Variants in MACROD1 observed in about 807,000 individuals in gnomAD.
MACROD1 encodes the protein mono-ADP ribosylhydrolase 1.
A neutral mutation model predicts 41.4 loss-of-function variants in MACROD1; 31 were observed. The observed-to-expected ratio is 0.75, with a 90% confidence interval of 0.56 to 1.01. The LOEUF (loss-of-function observed/expected upper bound fraction) is 1.01. MACROD1 is among the 50% of genes least tolerant of loss of function. The pLI, the probability that MACROD1 is intolerant of heterozygous loss-of-function variation, is 0.00. For missense variants in MACROD1, 473 were observed against 460.0 expected, an observed-to-expected ratio of 1.03 and a Z score of -0.26; for synonymous variants, 252 against 203.4, an observed-to-expected ratio of 1.24 and a Z score of -2.03.
At chr11:64,008,311 C>A (rs945579244) in intron 4 of MACROD1, among the ~76,000 whole-genome samples, 1 of 148,000 alleles carries the variant, frequency 6.8e-6, no homozygotes, top group African/African-American at 2.5e-5. Flanking sequence ...GCTCGGCTGG[C>A]CCCCAGGGTC....
chr11:64,015,977 C>T (rs1214838741), intron 3 of MACROD1, among the ~76,000 whole-genome samples: 1 of 152,198 alleles, frequency 6.6e-6, no homozygotes, highest in African/African-American at 2.4e-5. Flanking sequence ...GAGAATAGCC[C>T]CACCTCACCA....
At chr11:64,136,404 G>A (rs1938817) in intron 3 of MACROD1, among the ~76,000 whole-genome samples, 9,135 of 152,274 alleles carry the variant, frequency 0.06, 369 homozygotes, top group Middle Eastern at 0.15. Flanking sequence ...ACTCATAGCC[G>A]CCTCTCAGGC....
chr11:64,119,894 G>T (rs186033726), intron 3 of MACROD1, among the ~76,000 whole-genome samples: 8 of 152,296 alleles, frequency 5.3e-5, no homozygotes, highest in Admixed American at 4.6e-4. Flanking sequence ...CGGAGCCTGG[G>T]GTTCCGACGT....
chr11:64,002,670 C>T (rs1942845969), intron 4 of MACROD1, among the ~76,000 whole-genome samples: 2 of 152,182 alleles, frequency 1.3e-5, no homozygotes, highest in South Asian at 4.1e-4. Context: ...GGGAACCCCC[C>T]CACCCTGCTC....
chr11:64,136,364 A>G (rs1674535960), intron 3 of MACROD1, among the ~76,000 whole-genome samples: 1 of 152,236 alleles, frequency 6.6e-6, no homozygotes, highest in African/African-American at 2.4e-5. Flanking sequence ...TATGGTCTCT[A>G]TAGCATAGCT....
At chr11:64,001,246 A>C (rs1002185021) in intron 4 of MACROD1, 1 of 605,836 alleles carries the variant, frequency 1.7e-6, no homozygotes, top group African/African-American at 1.9e-5. Context: ...CGGCTGTGAG[A>C]TCCTGCCCCT....
chr11:64,116,319 G>A, intron 3 of MACROD1: 1 of 1,609,402 alleles, frequency 6.2e-7, no homozygotes, highest in Non-Finnish European at 8.5e-7. Flanking sequence ...CACTGCCACT[G>A]TCACGGCCAC....
intron 3 of MACROD1, among the ~76,000 whole-genome samples, chr11:64,136,659 G>A (rs2134669726): frequency 6.6e-6 from 1 of 152,316 alleles, no homozygotes; most frequent in Admixed American, 6.5e-5. Flanking sequence ...AGGGTCAGAG[G>A]GACCCCCCGC....
chr11:64,159,117 C>T (rs1210556135), intron 1 of MACROD1, among the ~76,000 whole-genome samples: 36 of 151,714 alleles, frequency 2.4e-4, no homozygotes, highest in Admixed American at 2.4e-3. Flanking sequence ...GTCAGGAGTT[C>T]GAGACCAGCC....
At chr11:64,048,818 C>G (rs1367060480) in intron 3 of MACROD1, among the ~76,000 whole-genome samples, 2 of 152,204 alleles carry the variant, frequency 1.3e-5, no homozygotes, top group African/African-American at 2.4e-5. Context: ...GGGCTGCTAT[C>G]CCCACCAAGC....
intron 4 of MACROD1, among the ~76,000 whole-genome samples, chr11:64,007,809 G>A (rs1252724623): frequency 6.6e-6 from 1 of 152,200 alleles, no homozygotes; most frequent in Admixed American, 6.5e-5. Flanking sequence ...GGACAGGTGC[G>A]GGGACTGCCC....
intron 3 of MACROD1, among the ~76,000 whole-genome samples, chr11:64,045,962 C>T (rs1943577200): frequency 6.6e-6 from 1 of 152,190 alleles, no homozygotes; most frequent in African/African-American, 2.4e-5. Flanking sequence ...CATGACTGAG[C>T]ACTCACTGTG....
rs528266042 is a variant in MACROD1, at chr11:64,155,575, G to A, written c.299-3182C>T. Among the ~76,000 whole-genome samples the A allele has an allele frequency of 5.1e-4, 77 of 152,338 alleles. 1 individual carries two copies. Among genetic ancestry groups the A allele is most frequent in the South Asian group, 3.1e-3 (15 of 4,828 alleles). On this transcript the variant is annotated intron_variant, in intron 1 of 10. Coordinates refer to ENST00000255681, the MANE Select transcript of MACROD1 (RefSeq NM_014067.4). ...GTGTGCTGCAAAGTGCGGTCTACAC[G>A]CCAGACACACTCACTCCTTCCTGGC...
At chr11:64,005,947 GGGCACAGCCTGGAGGGCATT>G (rs1162082806) in intron 4 of MACROD1, among the ~76,000 whole-genome samples, 1 of 152,248 alleles carries the variant, frequency 6.6e-6, no homozygotes, top group Non-Finnish European at 1.5e-5. Flanking sequence ...TGGACGGGCT[GGGCACAGCCTGGAGGGCATT>G]GGCAGCCAAG....
At chr11:64,162,212 C>T (rs1304485517) in intron 1 of MACROD1, among the ~76,000 whole-genome samples, 1 of 152,152 alleles carries the variant, frequency 6.6e-6, no homozygotes, top group East Asian at 1.9e-4. Flanking sequence ...GGCGTGGTGG[C>T]GTATGCCTGT....
chr11:64,067,115 C>T lies in MACROD1; in HGVS notation c.518-51834G>A, dbSNP rs893226352. On this transcript the variant is annotated intron_variant, in intron 3 of 10. Transcript: ENST00000255681. The surrounding 1 kb of genome is among the most constrained non-coding windows in gnomAD (Gnocchi z 4.6). ...GGCAGAATGGAAGCCATTCTCATTA[C>T]ACCACAGGCCAGGGCCAAGTAGGCA... Among the ~76,000 whole-genome samples, 4 of 152,168 alleles carry T rather than the reference C, an allele frequency of 2.6e-5. No homozygotes were observed. The highest frequency in any genetic ancestry group is 9.7e-5 in the African/African-American group (4 of 41,434).
chr11:64,038,069 C>T (rs879616977), intron 3 of MACROD1, among the ~76,000 whole-genome samples: 3 of 152,190 alleles, frequency 2.0e-5, no homozygotes, highest in African/African-American at 4.8e-5. Context: ...CATCCTCACG[C>T]TGGCCCTCAG....
In MACROD1 at chr11:64,023,863, A is replaced by G. The variant is rs548542941; in HGVS notation, c.518-8582T>C. Among the ~76,000 whole-genome samples the G allele has an allele frequency of 1.2e-4, 19 of 152,208 alleles. No individual in the cohort carries two copies. The East Asian group carries it at 3.7e-3, about 29-fold the overall frequency. On this transcript the variant is annotated intron_variant, in intron 3 of 10. Transcript: ENST00000255681. ...CCACGCCTCTCCCCATAAAAGCCTC[A>G]CAGTTCACTGTTTGAAATGGCGTGG...
chr11:64,066,294 C>CAAAAA (rs59963244), intron 3 of MACROD1, among the ~76,000 whole-genome samples: 1 of 50,944 alleles, frequency 2.0e-5, no homozygotes, highest in African/African-American at 6.4e-5. Flanking sequence ...GAGACTGTCT[C>CAAAAA]AAAAAAAAAA....
Sources: gnomAD v4.1 joint callset for allele counts (sites outside exome capture counted in the v4.1 genomes callset) on GRCh38, gnomAD v4.1.1 for gene constraint, Gnocchi (gnomAD v3.1) non-coding constraint, MANE v1.5 for transcripts, NCBI Gene and HGNC (gene_info 2026-07-23, HGNC 2026-07-21) for gene names.